Variants in MYO16 observed in about 807,000 individuals in gnomAD.
MYO16 encodes unconventional myosin-XVI.
In MYO16, 94 loss-of-function variants were observed where a neutral mutation model predicts 205.3. That is an observed-to-expected ratio of 0.46 (90% CI 0.39 to 0.54). MYO16 has a LOEUF of 0.54. Ranked by LOEUF, MYO16 falls within the 20% of genes least tolerant of loss-of-function variation. MYO16 has a pLI of 0.00. For missense variants in MYO16, 2,315 were observed against 2,387.5 expected (o/e 0.97, Z 0.63); for synonymous variants, 988 against 954.0 (o/e 1.04, Z -0.66).
chr13:109,009,713 A>G (rs1341321450), intron 22 of MYO16, among the ~76,000 whole-genome samples: 4 of 152,236 alleles, frequency 2.6e-5, no homozygotes, highest in Non-Finnish European at 5.9e-5. Context: ...CAATTCAGCT[A>G]TTTGGAGAAT....
At chr13:109,120,609 A>C (rs1215874105) in intron 29 of MYO16, 143 bp downstream of exon 29, 10 of 572,542 alleles carry the variant, frequency 1.7e-5, no homozygotes, top group Non-Finnish European at 2.1e-5. Context: ...CTTCAGGCAA[A>C]TAGTTTTTGG....
the MYO16 span, among the ~76,000 whole-genome samples, chr13:108,537,088 A>G: frequency 6.6e-6 from 1 of 152,124 alleles, no homozygotes; most frequent in Admixed American, 6.6e-5. Flanking sequence ...TGAATAGTGT[A>G]CCAGATGAAT....
intron 23 of MYO16, 66 bp downstream of exon 23, chr13:109,019,977 T>C (rs750788235): frequency 4.8e-5 from 71 of 1,467,050 alleles, no homozygotes; most frequent in Non-Finnish European, 6.3e-5. Flanking sequence ...GGACAAGCTC[T>C]AGAGTTATTG....
intron 21 of MYO16, among the ~76,000 whole-genome samples, chr13:108,996,068 C>A (rs277807): frequency 0.98 from 148,661 of 152,314 alleles, 72,629 homozygotes; most frequent in East Asian, 1. Context: ...TTGACCCAGC[C>A]ATCCCATTAC....
chr13:109,057,126 G>A (rs139436526), intron 27 of MYO16, among the ~76,000 whole-genome samples: 2 of 152,070 alleles, frequency 1.3e-5, no homozygotes, highest in African/African-American at 4.8e-5. Flanking sequence ...ATATTTAAAC[G>A]ATGACTAAAA....
intron 16 of MYO16, among the ~76,000 whole-genome samples, chr13:108,943,661 G>T (rs1037099082): frequency 2.0e-5 from 3 of 152,050 alleles, no homozygotes; most frequent in African/African-American, 7.2e-5. Flanking sequence ...ATGTTGGCCA[G>T]GCTGGTCTCG....
the MYO16 span, among the ~76,000 whole-genome samples, chr13:108,563,615 T>G: frequency 6.6e-6 from 1 of 152,324 alleles, no homozygotes; most frequent in African/African-American, 2.4e-5. Flanking sequence ...ATCTGGCTTA[T>G]TTCACTTAAC....
rs141135503 is a variant in MYO16, at chr13:109,059,069, ATTG to A, written c.3335+3480_3335+3482del. Among the ~76,000 whole-genome samples the A allele has an allele frequency of 9.5e-3, 1,439 of 152,230 alleles. 24 individuals are homozygous for A. Among genetic ancestry groups the A allele is most frequent in the African/African-American group, 0.032 (1,333 of 41,544 alleles). The stretch of plus-strand genomic sequence containing the variant: ...AGGCTCCACTTCTAATTTTGGTTCT[ATTG>A]TTGTTTCCACCACATCTGCAGTTGC... On this transcript the variant is annotated intron_variant, in intron 27 of 34. Transcript: ENST00000457511.
chr13:108,825,906 A>C (rs1876236644), intron 9 of MYO16, among the ~76,000 whole-genome samples: 1 of 152,060 alleles, frequency 6.6e-6, no homozygotes, highest in Non-Finnish European at 1.5e-5. Context: ...AAAATTTAAG[A>C]AAAGAACGGC....
chr13:108,786,923 G>A (rs1008613950), intron 5 of MYO16, among the ~76,000 whole-genome samples: 1 of 152,154 alleles, frequency 6.6e-6, no homozygotes, highest in East Asian at 1.9e-4. Context: ...GCTGTGCCTC[G>A]TAGGAGGCAG....
the MYO16 span, among the ~76,000 whole-genome samples, chr13:108,541,597 GT>G: frequency 6.6e-6 from 1 of 151,894 alleles, no homozygotes; most frequent in African/African-American, 2.4e-5. Context: ...ACCATAAAAA[GT>G]TTTCATTATA....
At chr13:109,203,536 G>A (rs1394668792) in intron 34 of MYO16, among the ~76,000 whole-genome samples, 1 of 151,830 alleles carries the variant, frequency 6.6e-6, no homozygotes, top group Non-Finnish European at 1.5e-5. Context: ...GCTGGGCTGT[G>A]CTGGAGAACC....
At chr13:109,191,507 G>A (rs1879915430) in intron 34 of MYO16, among the ~76,000 whole-genome samples, 1 of 152,162 alleles carries the variant, frequency 6.6e-6, no homozygotes, top group African/African-American at 2.4e-5. Flanking sequence ...AGGTTGGGCT[G>A]AGTTGCAATT....
chr13:108,819,686 T>C (rs196167), intron 7 of MYO16, among the ~76,000 whole-genome samples: 2,064 of 152,214 alleles, frequency 0.014, 53 homozygotes, highest in African/African-American at 0.047. Flanking sequence ...ATTTAAAATA[T>C]ATGTTAATTT....
At chr13:108,796,113 C>T (rs1886781337) in intron 6 of MYO16, among the ~76,000 whole-genome samples, 2 of 152,236 alleles carry the variant, frequency 1.3e-5, no homozygotes, top group South Asian at 2.1e-4. Context: ...ATCACACAAG[C>T]TTTTATGGGC....
At chr13:108,792,095 G>C (rs543811449) in intron 5 of MYO16, among the ~76,000 whole-genome samples, 6 of 152,120 alleles carry the variant, frequency 3.9e-5, no homozygotes, top group Non-Finnish European at 8.8e-5. Context: ...CCAATGCTAG[G>C]AATAGGGGAC....
At chr13:109,100,525 G>A (rs1888927406) in intron 27 of MYO16, among the ~76,000 whole-genome samples, 1 of 152,184 alleles carries the variant, frequency 6.6e-6, no homozygotes, top group Non-Finnish European at 1.5e-5. Context: ...ATGGTTTGAA[G>A]TGCTTCATGA....
intron 6 of MYO16, among the ~76,000 whole-genome samples, chr13:108,795,339 G>A (rs1400878776): frequency 6.6e-6 from 1 of 151,950 alleles, no homozygotes; most frequent in East Asian, 1.9e-4. Context: ...CTCCCGAGTA[G>A]CTGGGACTAC....
chr13:109,007,546 G>A (rs1885438852), intron 21 of MYO16, among the ~76,000 whole-genome samples: 4 of 7,344 alleles, frequency 5.4e-4, no homozygotes, highest in South Asian at 0.036. Context: ...AGCCGTGTGT[G>A]TGTGTGTGTG....
Sources: gnomAD v4.1 joint callset for allele counts (sites outside exome capture counted in the v4.1 genomes callset) on GRCh38, gnomAD v4.1.1 for gene constraint, MANE v1.5 for transcripts, NCBI Gene and HGNC (gene_info 2026-07-23, HGNC 2026-07-21) for gene names.